Variants in PALD1 observed in about 807,000 individuals in gnomAD.
PALD1 encodes paladin.
A neutral mutation model predicts 96.0 loss-of-function variants in PALD1; 57 were observed. The observed-to-expected ratio is 0.59, with a 90% confidence interval of 0.48 to 0.74. The LOEUF is 0.74. Ranked by LOEUF, PALD1 falls within the 30% of genes least tolerant of loss-of-function variation. The pLI, the probability that PALD1 is intolerant of heterozygous loss-of-function variation, is 0.00. For missense variants in PALD1, 1,063 were observed against 1,143.7 expected (o/e 0.93, Z 1.02); for synonymous variants, 464 against 473.6 (o/e 0.98, Z 0.26).
chr10:70,526,718 G>A lies in PALD1; in HGVS notation c.185+582G>A, dbSNP rs973687987. ...TCTGCCCTGTGGGGCTTGGAGGAAGGGGTGGGTGCTGGAGAGCCATGCTGG... is the reference window on the plus strand; with the variant it reads ...TCTGCCCTGTGGGGCTTGGAGGAAGAGGTGGGTGCTGGAGAGCCATGCTGG... On this transcript the variant is annotated intron_variant, in intron 2 of 19. Coordinates refer to ENST00000263563, the MANE Select transcript of PALD1 (RefSeq NM_014431.3). 2.3e-4 allele frequency among the ~76,000 whole-genome samples: 35 copies of A among 152,286 alleles called. 1 individual carries two copies. The highest frequency in any genetic ancestry group is 2.6e-4 in the Non-Finnish European group (18 of 68,032).
Position 70,568,137 on chromosome 10 carries a change from TA to T in PALD1, c.*1405del, listed in dbSNP as rs1405253900. ...GCAGAACTACTGTGTGTCTGTTCAC[TA>T]CCTTTTCAGGTTTATTGTTTTTATT... On this transcript the variant is annotated 3_prime_UTR_variant, in exon 20 of 20. Coordinates refer to ENST00000263563, the MANE Select transcript of PALD1 (RefSeq NM_014431.3). The T allele has an allele frequency of 6.6e-6, 1 of 152,338 alleles. No individual in the cohort carries two copies. Among genetic ancestry groups the T allele is most frequent in the Non-Finnish European group, 1.5e-5 (1 of 68,052 alleles). 9.4% of individuals were successfully genotyped at this position (152,338 alleles called of 1,614,324 possible).
chr10:70,557,646 T>C (rs1328918391), intron 18 of PALD1, among the ~76,000 whole-genome samples: 2 of 152,114 alleles, frequency 1.3e-5, no homozygotes, highest in Non-Finnish European at 2.9e-5. Flanking sequence ...TTGCAGGGAC[T>C]CGGTGGGGAC....
intron 1 of PALD1, among the ~76,000 whole-genome samples, chr10:70,490,581 A>G (rs910728472): frequency 6.6e-6 from 1 of 152,192 alleles, no homozygotes; most frequent in Non-Finnish European, 1.5e-5. Flanking sequence ...CAAAACTATT[A>G]AAAAAACAGG....
At chr10:70,563,386 C>T (rs929979821) in intron 18 of PALD1, among the ~76,000 whole-genome samples, 5 of 152,294 alleles carry the variant, frequency 3.3e-5, no homozygotes, top group East Asian at 1.9e-4. Context: ...CACGGCCCAG[C>T]GGCACTCCCA....
intron 15 of PALD1, 30 bp from the exon 16 acceptor site, chr10:70,541,072 G>A (rs367892581): frequency 1.6e-5 from 25 of 1,560,394 alleles, no homozygotes; most frequent in Non-Finnish European, 2.0e-5. Flanking sequence ...AGAGACGCCC[G>A]CTGACCCAGA....
intron 1 of PALD1, among the ~76,000 whole-genome samples, chr10:70,493,587 A>G (rs368162846): frequency 3.1e-4 from 47 of 152,268 alleles, no homozygotes; most frequent in African/African-American, 1.1e-3. Flanking sequence ...CTGTCTGTTC[A>G]GTCCTCACTG....
chr10:70,464,433 C>T, the PALD1 span, among the ~76,000 whole-genome samples: 3 of 151,564 alleles, frequency 2.0e-5, no homozygotes, highest in Non-Finnish European at 2.9e-5. Context: ...AGGCTGGTCT[C>T]GAACTCCTGA....
chr10:70,542,960 A>T (rs1847281984), intron 17 of PALD1, among the ~76,000 whole-genome samples: 1 of 151,164 alleles, frequency 6.6e-6, no homozygotes, highest in Admixed American at 6.6e-5. Flanking sequence ...TTTTTTAGAG[A>T]TGGGAGTTCA....
rs536485009 is a variant in PALD1 at position 70,533,087 on chromosome 10, C to T, written c.870+17C>T. The T allele has an allele frequency of 9.5e-5, 148 of 1,562,378 alleles. No homozygotes were observed. The highest frequency in any genetic ancestry group is 3.6e-4 in the East Asian group (15 of 41,970). On this transcript the variant is annotated intron_variant, in intron 7 of 19. Coordinates refer to ENST00000263563, the MANE Select transcript of PALD1 (RefSeq NM_014431.3). ...GTTCTCCGGGTAACTGGGGCACGGG[C>T]GCGCATGGGGGAGGAGTCTTGAGAG...
chr10:70,525,965 C>T lies in PALD1; in HGVS notation c.14C>T (p.Ala5Val). Residue 5 changes from alanine (A) to valine (V), a missense_variant, in exon 2 of 20, where the codon GCC (alanine) becomes GTC (valine). Ala to Val is a moderately conservative substitution (Grantham distance 64). Transcript: ENST00000263563. Reference protein sequence around the residue: MGTTASTAQQTVSAG... With the variant: MGTTVSTAQQTVSAG... ...TGCTGGCAGACTATGGGTACAACGGCCAGCACAGCCCAGCAGACGGTCTCG... is the reference window on the plus strand; with the variant it reads ...TGCTGGCAGACTATGGGTACAACGGTCAGCACAGCCCAGCAGACGGTCTCG... 6.2e-7 allele frequency: 1 copy of T among 1,614,122 alleles called. No individual in the cohort carries two copies. Among genetic ancestry groups the T allele is most frequent in the East Asian group, 2.2e-5 (1 of 44,882 alleles).
chr10:70,531,659 C>T (rs1341078338), intron 5 of PALD1, among the ~76,000 whole-genome samples: 1 of 152,118 alleles, frequency 6.6e-6, no homozygotes, highest in Non-Finnish European at 1.5e-5. Context: ...CTGCCCCTTT[C>T]CCACCCTGCT....
At chr10:70,511,103 A>G in intron 1 of PALD1, among the ~76,000 whole-genome samples, 1 of 152,228 alleles carries the variant, frequency 6.6e-6, no homozygotes, top group East Asian at 1.9e-4. Context: ...AAGAGGAGAA[A>G]GAAATAAATT....
At chr10:70,522,500 T>C (rs542650060) in intron 1 of PALD1, among the ~76,000 whole-genome samples, 1 of 152,186 alleles carries the variant, frequency 6.6e-6, no homozygotes, top group South Asian at 2.1e-4. Flanking sequence ...AAGAGTGGTA[T>C]CGTAAGCGAC....
At chr10:70,478,581 G>A (rs1589165046), upstream of PALD1, among the ~76,000 whole-genome samples, 1 of 152,136 alleles carries the variant, frequency 6.6e-6, no homozygotes, top group African/African-American at 2.4e-5. Context: ...CCTCGCGGAG[G>A]GTGGGCGGGC....
chr10:70,534,341 C>G (rs955923594), intron 8 of PALD1, 84 bp from the exon 9 acceptor site: 1 of 913,342 alleles, frequency 1.1e-6, no homozygotes, highest in South Asian at 1.5e-5. Flanking sequence ...TGTCCCCCAG[C>G]GGCCATATGA....
intron 1 of PALD1, among the ~76,000 whole-genome samples, chr10:70,490,469 A>G (rs1253603685): frequency 1.3e-5 from 2 of 152,168 alleles, no homozygotes; most frequent in Non-Finnish European, 2.9e-5. Context: ...CTTTTGAAAA[A>G]CAACAACAAA....
chr10:70,530,694 G>T (rs980893011), intron 4 of PALD1, among the ~76,000 whole-genome samples: 1 of 152,164 alleles, frequency 6.6e-6, no homozygotes. Flanking sequence ...AATTGACCCC[G>T]GAGTTAAGGT....
chr10:70,495,306 T>C (rs1378283722), intron 1 of PALD1, among the ~76,000 whole-genome samples: 1 of 152,192 alleles, frequency 6.6e-6, no homozygotes, highest in Non-Finnish European at 1.5e-5. Context: ...ATACAGTGTA[T>C]CATAATCGTG....
At chr10:70,487,860 A>G (rs1026442286) in intron 1 of PALD1, among the ~76,000 whole-genome samples, 2 of 152,136 alleles carry the variant, frequency 1.3e-5, no homozygotes, top group African/African-American at 2.4e-5. Flanking sequence ...GAAGGGCCCT[A>G]TGCTCCCTTG....
Sources: gnomAD v4.1 joint callset for allele counts (sites outside exome capture counted in the v4.1 genomes callset) on GRCh38, gnomAD v4.1.1 for gene constraint, MANE v1.5 for transcripts, NCBI Gene and HGNC (gene_info 2026-07-23, HGNC 2026-07-21) for gene names.